The following VXN variants were observed in gnomAD, a reference collection of about 807,000 sequenced individuals.
VXN encodes uncharacterized protein C8orf46.
A neutral mutation model predicts 23.1 loss-of-function variants in VXN; 7 were observed. That is an observed-to-expected ratio of 0.30 (90% CI 0.17 to 0.57). The LOEUF (loss-of-function observed/expected upper bound fraction) is 0.57. Ranked by LOEUF, VXN falls within the 20% of genes least tolerant of loss-of-function variation. VXN has a pLI of 0.91. For synonymous variants in VXN, 120 were observed against 105.8 expected, an observed-to-expected ratio of 1.13 and a Z score of -0.83; for missense variants, 238 against 272.6, an observed-to-expected ratio of 0.87 and a Z score of 0.89.
At chr8:66,512,442 T>C (rs746788) in intron 4 of VXN, among the ~76,000 whole-genome samples, 6,448 of 152,278 alleles carry the variant, frequency 0.042, 254 homozygotes, top group East Asian at 0.16. Flanking sequence ...ACCGGGAATT[T>C]CCAGCAATTT....
At chr8:66,507,668 C>T (rs1807774545) in intron 3 of VXN, among the ~76,000 whole-genome samples, 1 of 151,972 alleles carries the variant, frequency 6.6e-6, no homozygotes, top group Non-Finnish European at 1.5e-5. Flanking sequence ...CTGCCCAGCA[C>T]GTGACAGTCA....
rs1015061659 is a variant in VXN, at chr8:66,496,750, C to CT, written c.126+267dup. ...GAGAGTAAGACTTGTTTTATGCACACTTTTTTTTTCTTGTTTAAACAGAGT... is the reference window on the plus strand; with the variant it reads ...GAGAGTAAGACTTGTTTTATGCACACTTTTTTTTTTCTTGTTTAAACAGAGT... On this transcript the variant is annotated intron_variant, in intron 2 of 5. Coordinates refer to ENST00000305454, the MANE Select transcript of VXN (RefSeq NM_152765.4). 5.9e-5 allele frequency among the ~76,000 whole-genome samples: 9 copies of CT among 151,866 alleles called. No homozygotes were observed. The South Asian group carries it at 6.3e-4, about 11-fold the overall frequency.
At position 66,517,357 on chromosome 8, in the gene VXN, G is replaced by A. The variant is rs1807909648; in HGVS notation, c.*1281G>A. On this transcript the variant is annotated 3_prime_UTR_variant, in exon 6 of 6. Coordinates refer to ENST00000305454, the MANE Select transcript of VXN (RefSeq NM_152765.4). ...CCTAATCTTTCTAAAAACTCTATTAGGTGGCCCTATCCACTTAATAGATGC... is the reference window on the plus strand; with the variant it reads ...CCTAATCTTTCTAAAAACTCTATTAAGTGGCCCTATCCACTTAATAGATGC... The A allele has an allele frequency of 6.6e-6, 1 of 152,126 alleles. No homozygotes were observed. Among genetic ancestry groups the A allele is most frequent in the African/African-American group, 2.4e-5 (1 of 41,424 alleles). The allele number at this position is 152,126 out of a possible 1,614,324, so 9.4% of individuals were successfully genotyped here.
rs79554479 is a variant in VXN at position 66,512,235 on chromosome 8, T to C, written c.343-1305T>C. Among the ~76,000 whole-genome samples, 15 of 152,096 alleles carry C rather than the reference T, an allele frequency of 9.9e-5. No individual in the cohort carries two copies. In the East Asian group the frequency reaches 2.9e-3, roughly 29 times the overall value. ...GCTAAATCCAAGTCCGTGCAAAGTGTGCTGGGTGAGATTGGCCTAAGGAAA... is the reference window on the plus strand; with the variant it reads ...GCTAAATCCAAGTCCGTGCAAAGTGCGCTGGGTGAGATTGGCCTAAGGAAA... On this transcript the variant is annotated intron_variant, in intron 4 of 5. Transcript: ENST00000305454.
At chr8:66,493,996 A>C (rs894632067) in intron 1 of VXN, among the ~76,000 whole-genome samples, 8 of 152,252 alleles carry the variant, frequency 5.3e-5, no homozygotes, top group African/African-American at 1.9e-4. Context: ...TGGAAGTGAC[A>C]GCAAGCCATT....
At position 66,516,070 on chromosome 8, in the gene VXN, C is replaced by T. The variant is rs750966355; in HGVS notation, c.618C>T (p.Ala206=). 35 of 1,605,926 alleles carry T rather than the reference C, an allele frequency of 2.2e-5. No homozygotes were observed. The highest frequency in any genetic ancestry group is 1.9e-4 in the South Asian group (17 of 90,412). ...GAGCCACCAACAGCGCCTTTGAGGC[C>T]GACTAAAGGTGACCCTCTTCAAGTG... is the stretch of plus-strand genomic sequence containing the variant. ...YVGATNSAFE[A]D is the part of the protein sequence containing the mutation. Residue 206 remains alanine, a synonymous_variant, in exon 6 of 6, where the codon GCC becomes GCT. Coordinates refer to ENST00000305454, the MANE Select transcript of VXN (RefSeq NM_152765.4).
At chr8:66,510,544 G>A (rs151280333) in intron 4 of VXN, among the ~76,000 whole-genome samples, 223 of 152,262 alleles carry the variant, frequency 1.5e-3, no homozygotes, top group African/African-American at 5.2e-3. Flanking sequence ...CGAGGCTCTC[G>A]AGCACTATGA....
intron 4 of VXN, among the ~76,000 whole-genome samples, chr8:66,512,412 G>A (rs1054194366): frequency 4.6e-5 from 7 of 152,208 alleles, no homozygotes; most frequent in Non-Finnish European, 8.8e-5. Flanking sequence ...ATGGGAGGAG[G>A]GGTGAAGAAG....
At chr8:66,498,999 G>T (rs1807658263) in intron 2 of VXN, 1 of 197,394 alleles carries the variant, frequency 5.1e-6, no homozygotes, top group Non-Finnish European at 1.1e-5. Context: ...TGAGCAAGTT[G>T]CTTAGCTATT....
intron 5 of VXN, among the ~76,000 whole-genome samples, chr8:66,514,689 C>G (rs1807865548): frequency 6.6e-6 from 1 of 152,178 alleles, no homozygotes; most frequent in Admixed American, 6.5e-5. Context: ...CTTGACCTCC[C>G]AAAGTGCTGG....
At chr8:66,499,837 T>A (rs1807671342) in intron 2 of VXN, among the ~76,000 whole-genome samples, 1 of 152,134 alleles carries the variant, frequency 6.6e-6, no homozygotes, top group Admixed American at 6.5e-5. Context: ...CTATGCCAAT[T>A]CATCTGTATA....
chr8:66,513,792 T>C (rs1386740820), intron 5 of VXN, 155 bp downstream of exon 5: 3 of 595,570 alleles, frequency 5.0e-6, no homozygotes, highest in Non-Finnish European at 8.9e-6. Flanking sequence ...AGGCCAATAA[T>C]CCTGGGTCTC....
Position 66,517,718 on chromosome 8 carries a change from T to G in VXN, c.*1642T>G, listed in dbSNP as rs1337472851. The G allele has an allele frequency of 2.0e-5, 3 of 152,254 alleles. No homozygotes were observed. Among genetic ancestry groups the G allele is most frequent in the African/African-American group, 7.2e-5 (3 of 41,462 alleles). The allele number at this position is 152,254 out of a possible 1,614,324, so 9.4% of individuals were successfully genotyped here. A position where few individuals can be genotyped will look rare whatever the true frequency, so the allele number is the denominator to read the frequency against. On this transcript the variant is annotated 3_prime_UTR_variant, in exon 6 of 6. Transcript: ENST00000305454. ...TTGTTTTCTAATTCAGAGGTTTAAA[T>G]TAATCTAGCCCACTTAATAAAACCA...
chr8:66,513,818 A>G lies in VXN; in HGVS notation c.440+181A>G, dbSNP rs188689042. 3.0e-4 allele frequency: 165 copies of G among 559,132 alleles called. 1 individual carries two copies. In the East Asian group the frequency reaches 4.2e-3, roughly 14 times the overall value. The allele number at this position is 559,132 out of a possible 1,614,324, so 34.6% of individuals were successfully genotyped here. ...CCTGGGTCTCTGCAGCGCCTCATCA[A>G]CTGTTTCCCTAGGATTAAGCAGGAG... On this transcript the variant is annotated intron_variant, in intron 5 of 5. Transcript: ENST00000305454.
Position 66,517,218 on chromosome 8 carries a change from C to T in VXN, c.*1142C>T, listed in dbSNP as rs1586525308. ...ATGTCATCATCAATTCCATTGTCAA[C>T]ATTAGTAGCCTTAAAACAATAACAT... On this transcript the variant is annotated 3_prime_UTR_variant, in exon 6 of 6. Coordinates refer to ENST00000305454, the MANE Select transcript of VXN (RefSeq NM_152765.4). The T allele has an allele frequency of 6.6e-6, 1 of 152,170 alleles. No homozygotes were observed. The highest frequency in any genetic ancestry group is 1.9e-4 in the East Asian group (1 of 5,204). The allele number at this position is 152,170 out of a possible 1,614,324, so 9.4% of individuals were successfully genotyped here.
At chr8:66,511,063 A>T (rs1807818708) in intron 4 of VXN, among the ~76,000 whole-genome samples, 1 of 152,112 alleles carries the variant, frequency 6.6e-6, no homozygotes. Flanking sequence ...GTGGCCCTCT[A>T]CAGCCAAGCC....
chr8:66,510,551 A>G (rs1807810347), intron 4 of VXN, among the ~76,000 whole-genome samples: 1 of 152,254 alleles, frequency 6.6e-6, no homozygotes, highest in South Asian at 2.1e-4. Context: ...CTCGAGCACT[A>G]TGAAACACAA....
chr8:66,511,413 G>A (rs1257451699), intron 4 of VXN, among the ~76,000 whole-genome samples: 1 of 152,204 alleles, frequency 6.6e-6, no homozygotes, highest in Non-Finnish European at 1.5e-5. Context: ...TCCTGGTCTG[G>A]GCAGGAGACC....
chr8:66,511,184 A>G (rs1347218145), intron 4 of VXN, among the ~76,000 whole-genome samples: 1 of 152,134 alleles, frequency 6.6e-6, no homozygotes, highest in East Asian at 1.9e-4. Flanking sequence ...CAGGCCTATC[A>G]GTACATCTCC....
Sources: gnomAD v4.1 joint callset for allele counts (sites outside exome capture counted in the v4.1 genomes callset) on GRCh38, gnomAD v4.1.1 for gene constraint, MANE v1.5 for transcripts, NCBI Gene and HGNC (gene_info 2026-07-23, HGNC 2026-07-21) for gene names.